FOCAD: variants seen among roughly 807,000 people sequenced by gnomAD.
FOCAD encodes the protein focadhesin.
A neutral mutation model predicts 225.6 loss-of-function variants in FOCAD; 198 were observed. The ratio of observed to expected loss-of-function variants is 0.88; its 90% CI spans 0.78 to 0.99. The LOEUF is 0.99. Ranked by LOEUF, FOCAD falls within the 50% of genes least tolerant of loss-of-function variation. The pLI, the probability that FOCAD is intolerant of heterozygous loss-of-function variation, is 0.00. For synonymous variants in FOCAD, 897 were observed against 755.0 expected, an observed-to-expected ratio of 1.19 and a Z score of -3.08; for missense variants, 2,713 against 2,123.6, an observed-to-expected ratio of 1.28 and a Z score of -5.46.
intron 15 of FOCAD, among the ~76,000 whole-genome samples, chr9:20,841,432 C>T (rs1457679252): frequency 1.3e-5 from 2 of 151,296 alleles, no homozygotes; most frequent in African/African-American, 4.8e-5. Context: ...TTTGGCATTG[C>T]TCTCCTTACT....
At chr9:20,766,073 A>G (rs1320601318) in intron 7 of FOCAD, among the ~76,000 whole-genome samples, 1 of 152,196 alleles carries the variant, frequency 6.6e-6, no homozygotes, top group Non-Finnish European at 1.5e-5. Flanking sequence ...AGCAATGTAT[A>G]GGCAGAACAT....
chr9:20,746,250 C>T (rs1828024247), intron 5 of FOCAD, among the ~76,000 whole-genome samples: 1 of 152,074 alleles, frequency 6.6e-6, no homozygotes, highest in Non-Finnish European at 1.5e-5. Flanking sequence ...GAGCCAGCTG[C>T]ATGAAGAGTG....
At chr9:20,928,073 G>T (rs1032154481) in intron 26 of FOCAD, among the ~76,000 whole-genome samples, 1 of 152,124 alleles carries the variant, frequency 6.6e-6, no homozygotes, top group African/African-American at 2.4e-5. Context: ...CTTTAATGAT[G>T]AATGAAAACT....
chr9:20,723,902 G>A (rs1825993266), intron 4 of FOCAD, among the ~76,000 whole-genome samples: 1 of 152,144 alleles, frequency 6.6e-6, no homozygotes, highest in African/African-American at 2.4e-5. Flanking sequence ...CTTCTGGCAA[G>A]GGCTTCAGGA....
intron 26 of FOCAD, among the ~76,000 whole-genome samples, chr9:20,928,566 C>T (rs1310750232): frequency 3.3e-5 from 5 of 152,074 alleles, no homozygotes; most frequent in African/African-American, 9.7e-5. Flanking sequence ...ATGTATATAA[C>T]GTCTGGTAGA....
chr9:20,752,530 G>A (rs1408004087), intron 5 of FOCAD, among the ~76,000 whole-genome samples: 1 of 152,002 alleles, frequency 6.6e-6, no homozygotes, highest in Non-Finnish European at 1.5e-5. Flanking sequence ...CTCTGTTTTG[G>A]TACCAGTACC....
intron 26 of FOCAD, 82 bp from the exon 27 acceptor site, chr9:20,929,276 G>A: frequency 9.6e-7 from 1 of 1,043,246 alleles, no homozygotes; most frequent in Non-Finnish European, 1.4e-6. Context: ...AGAAGCTTGT[G>A]TGGTTGTATA....
chr9:20,764,528 TA>T (rs1829891111), intron 6 of FOCAD, among the ~76,000 whole-genome samples: 2 of 152,200 alleles, frequency 1.3e-5, no homozygotes, highest in South Asian at 4.1e-4. Flanking sequence ...CTGGGATTTT[TA>T]TAGGCGTGAG....
At chr9:20,705,499 C>G (rs1824308329) in intron 1 of FOCAD, among the ~76,000 whole-genome samples, 1 of 152,006 alleles carries the variant, frequency 6.6e-6, no homozygotes, top group African/African-American at 2.4e-5. Flanking sequence ...TGATGTTTTA[C>G]TAATTTAGTT....
chr9:20,661,930 T>G (rs576746634), intron 2 of FOCAD, among the ~76,000 whole-genome samples: 2 of 152,164 alleles, frequency 1.3e-5, no homozygotes, highest in Admixed American at 1.3e-4. Context: ...AATGAGGAAA[T>G]TCTTTATATA....
At chr9:20,947,218 A>T (rs192026822) in intron 30 of FOCAD, among the ~76,000 whole-genome samples, 50 of 152,296 alleles carry the variant, frequency 3.3e-4, no homozygotes, top group Non-Finnish European at 4.9e-4. Context: ...CAAGGCAGAA[A>T]ATCTCTACTC....
At chr9:20,907,477 C>T (rs1332558257) in intron 22 of FOCAD, among the ~76,000 whole-genome samples, 3 of 152,044 alleles carry the variant, frequency 2.0e-5, no homozygotes, top group Non-Finnish European at 4.4e-5. Flanking sequence ...GTGCCAGTCT[C>T]CTCCATCCTG....
At chr9:20,856,733 T>G (rs1230667359) in intron 15 of FOCAD, among the ~76,000 whole-genome samples, 1 of 152,050 alleles carries the variant, frequency 6.6e-6, no homozygotes, top group African/African-American at 2.4e-5. Context: ...GGTGTTAGAT[T>G]TAAGTCTTTA....
chr9:20,895,813 G>T (rs553304698), intron 21 of FOCAD, among the ~76,000 whole-genome samples: 1 of 151,908 alleles, frequency 6.6e-6, no homozygotes, highest in Non-Finnish European at 1.5e-5. Context: ...CATGTCATCT[G>T]CAAGCAAAGA....
intron 4 of FOCAD, among the ~76,000 whole-genome samples, chr9:20,735,960 A>G (rs1827124702): frequency 6.6e-6 from 1 of 152,142 alleles, no homozygotes; most frequent in Non-Finnish European, 1.5e-5. Flanking sequence ...ATGCATTCTA[A>G]TTTAACTGGA....
chr9:20,707,778 A>C (rs1001435538), intron 1 of FOCAD, among the ~76,000 whole-genome samples: 1 of 152,182 alleles, frequency 6.6e-6, no homozygotes, highest in African/African-American at 2.4e-5. Context: ...TCAAGGGTCA[A>C]CTGTGGTTAA....
At chr9:20,744,126 A>G (rs889089582) in intron 5 of FOCAD, among the ~76,000 whole-genome samples, 2 of 152,006 alleles carry the variant, frequency 1.3e-5, no homozygotes, top group Non-Finnish European at 2.9e-5. Context: ...GCCCCAACAC[A>G]TGTTAGTGTT....
At chr9:20,899,116 C>G (rs1428339838) in intron 21 of FOCAD, among the ~76,000 whole-genome samples, 3 of 151,830 alleles carry the variant, frequency 2.0e-5, no homozygotes, top group Non-Finnish European at 4.4e-5. Context: ...AGGTTAGGCT[C>G]TGTTAAATAG....
At chr9:20,665,376 A>G (rs575509743) in intron 2 of FOCAD, among the ~76,000 whole-genome samples, 2 of 152,310 alleles carry the variant, frequency 1.3e-5, no homozygotes, top group South Asian at 4.1e-4. Flanking sequence ...AGGACAATAA[A>G]GCCCAACTCT....
Sources: gnomAD v4.1 joint callset for allele counts (sites outside exome capture counted in the v4.1 genomes callset) on GRCh38, gnomAD v4.1.1 for gene constraint, MANE v1.5 for transcripts, NCBI Gene and HGNC (gene_info 2026-07-23, HGNC 2026-07-21) for gene names.